Variants in MAP3K13 observed in about 807,000 individuals in gnomAD.
MAP3K13 encodes mitogen-activated protein kinase kinase kinase 13, also known as leucine zipper-bearing kinase.
A neutral mutation model predicts 104.0 loss-of-function variants in MAP3K13; 52 were observed. That is an observed-to-expected ratio of 0.50 (90% CI 0.40 to 0.63). MAP3K13 has a LOEUF of 0.63. MAP3K13 is among the 20% of genes least tolerant of loss of function. The pLI is 0.00. For missense variants in MAP3K13, 914 were observed against 1,218.5 expected, an observed-to-expected ratio of 0.75 and a Z score of 3.72; for synonymous variants, 394 against 442.2, an observed-to-expected ratio of 0.89 and a Z score of 1.37.
At chr3:185,477,460 C>G in intron 12 of MAP3K13, 64 bp downstream of exon 12, 2 of 1,203,974 alleles carry the variant, frequency 1.7e-6, no homozygotes, top group Non-Finnish European at 2.5e-6. Context: ...CTAAGTTTGC[C>G]ACACCTGCTC....
intron 10 of MAP3K13, among the ~76,000 whole-genome samples, chr3:185,471,716 T>G (rs1205735363): frequency 6.6e-6 from 1 of 151,516 alleles, no homozygotes; most frequent in East Asian, 1.9e-4. Context: ...TGCCTCGGCC[T>G]CCCAAAGTGC....
intron 2 of MAP3K13, among the ~76,000 whole-genome samples, chr3:185,313,598 A>G (rs756010156): frequency 5.9e-5 from 9 of 152,134 alleles, no homozygotes; most frequent in Non-Finnish European, 1.3e-4. Context: ...GGAGAGGTAA[A>G]CACCAAATTC....
intron 10 of MAP3K13, among the ~76,000 whole-genome samples, chr3:185,470,951 G>A (rs970477753): frequency 2.6e-5 from 4 of 152,246 alleles, no homozygotes; most frequent in South Asian, 4.1e-4. Context: ...TGTCAATACC[G>A]TCTTTTTACA....
Position 185,454,760 on chromosome 3 carries a change from T to C in MAP3K13, c.1278+3365T>C, listed in dbSNP as rs1287806621. 2.0e-5 allele frequency among the ~76,000 whole-genome samples: 2 copies of C among 99,438 alleles called. 1 individual carries two copies. The highest frequency in any genetic ancestry group is 3.9e-5 in the Non-Finnish European group (2 of 51,650). The allele number at this position is 99,438 out of a possible 152,430, so 65.2% of individuals were successfully genotyped here. A position where few individuals can be genotyped will look rare whatever the true frequency, so the allele number is the denominator to read the frequency against. On this transcript the variant is annotated intron_variant, in intron 7 of 13. Transcript: ENST00000265026. ...ATATATATATCATATATATGAGATA[T>C]ATATGACATATATATGAGATATATA...
intron 1 of MAP3K13, among the ~76,000 whole-genome samples, chr3:185,377,818 G>A (rs1415128332): frequency 6.6e-6 from 1 of 152,276 alleles, no homozygotes; most frequent in Non-Finnish European, 1.5e-5. Flanking sequence ...CCGCTAAGCC[G>A]AGAAGATCTG....
rs531398912 is a variant in MAP3K13, at chr3:185,423,124, T to C, written c.-85-5373T>C. Among the ~76,000 whole-genome samples, 52 of 152,318 alleles carry C rather than the reference T, an allele frequency of 3.4e-4. No individual in the cohort carries two copies. Among genetic ancestry groups the C allele is most frequent in the African/African-American group, 1.1e-3 (47 of 41,578 alleles). ...AAACAAGCTCAGGGCTCCCACTGAT[T>C]CTACATTATAGTGAGTTGTAGAATT... On this transcript the variant is annotated intron_variant, in intron 1 of 13. Coordinates refer to ENST00000265026, the MANE Select transcript of MAP3K13 (RefSeq NM_004721.5). The surrounding 1 kb of genome is among the most constrained non-coding windows in gnomAD (Gnocchi z 4.1).
chr3:185,433,477 T>C (rs1714860786), intron 2 of MAP3K13, among the ~76,000 whole-genome samples: 1 of 151,852 alleles, frequency 6.6e-6, no homozygotes, highest in South Asian at 2.1e-4. Flanking sequence ...TGCATCCTTA[T>C]CACCAATTTC....
rs1267264634 is a variant in MAP3K13 at position 185,463,545 on chromosome 3, C to A, written c.1279-5C>A. 8 of 1,538,412 alleles carry A rather than the reference C, an allele frequency of 5.2e-6. No individual in the cohort carries two copies. Among genetic ancestry groups the A allele is most frequent in the Non-Finnish European group, 6.3e-6 (7 of 1,112,584 alleles). On this transcript the variant is annotated splice_region_variant and splice_polypyrimidine_tract_variant and intron_variant, in intron 7 of 13. Transcript: ENST00000265026. ...TTTATCAAAATCTAATTTGTCCTTA[C>A]CCAGGCTGAATGGAGAGAAGAAGTG...
At chr3:185,445,891 C>T (rs1219247332) in intron 4 of MAP3K13, among the ~76,000 whole-genome samples, 1 of 152,148 alleles carries the variant, frequency 6.6e-6, no homozygotes, top group African/African-American at 2.4e-5. Flanking sequence ...TAAAAAGTTC[C>T]CTCTTTTAGG....
At chr3:185,421,428 C>A (rs1714122804) in intron 1 of MAP3K13, among the ~76,000 whole-genome samples, 1 of 152,050 alleles carries the variant, frequency 6.6e-6, no homozygotes, top group African/African-American at 2.4e-5. Flanking sequence ...GAACTCCTGA[C>A]CTCAGGTGAT....
upstream of MAP3K13, among the ~76,000 whole-genome samples, chr3:185,359,952 A>C (rs536206615): frequency 1.6e-4 from 25 of 151,976 alleles, no homozygotes; most frequent in Admixed American, 7.2e-4. Context: ...AAAAAAAAAA[A>C]CTCCAAAACA....
intron 7 of MAP3K13, among the ~76,000 whole-genome samples, chr3:185,460,972 G>A (rs1560124710): frequency 6.6e-6 from 1 of 152,290 alleles, no homozygotes; most frequent in East Asian, 1.9e-4. Flanking sequence ...TACAGTGACA[G>A]TTTTGCACAA....
In MAP3K13 at chr3:185,416,411, G is replaced by A. The variant is rs1464138785; in HGVS notation, c.-85-12086G>A. Among the ~76,000 whole-genome samples, 7 of 151,338 alleles carry A rather than the reference G, an allele frequency of 4.6e-5. No homozygotes were observed. The East Asian group carries it at 5.8e-4, about 13-fold the overall frequency. On this transcript the variant is annotated intron_variant, in intron 1 of 13. Coordinates refer to ENST00000265026, the MANE Select transcript of MAP3K13 (RefSeq NM_004721.5). ...TGTGTTTTTTTATATATACTATCTC[G>A]TATAATCATCTACTCTATGAGGTGG...
chr3:185,343,873 A>G (rs768255842), intron 2 of MAP3K13, among the ~76,000 whole-genome samples: 33 of 152,324 alleles, frequency 2.2e-4, no homozygotes, highest in African/African-American at 7.2e-4. Context: ...GCATGCAGCT[A>G]ACTAGATTGA....
chr3:185,480,197 T>A (rs1043610582), intron 12 of MAP3K13, 35 bp from the exon 13 acceptor site: 7 of 1,594,086 alleles, frequency 4.4e-6, no homozygotes, highest in Non-Finnish European at 6.0e-6. Flanking sequence ...CAGTTGTTCC[T>A]CTGACTAAGT....
chr3:185,465,883 T>A lies in MAP3K13; in HGVS notation c.1505+20T>A, dbSNP rs767669153. The A allele has an allele frequency of 6.5e-6, 10 of 1,543,856 alleles. No individual in the cohort carries two copies. Among genetic ancestry groups the A allele is most frequent in the Non-Finnish European group, 8.1e-6 (9 of 1,116,188 alleles). On this transcript the variant is annotated intron_variant, in intron 9 of 13. Transcript: ENST00000265026. ...CATTAAGTATGTATCCAGACTAGTG[T>A]CTGTTCTTACTGATTTGAGTCTGTC...
intron 7 of MAP3K13, among the ~76,000 whole-genome samples, chr3:185,452,849 A>G (rs976547979): frequency 6.6e-6 from 1 of 152,188 alleles, no homozygotes; most frequent in African/African-American, 2.4e-5. Flanking sequence ...AGCAAGTCCC[A>G]ATGCACAAGT....
At chr3:185,408,968 T>C (rs2108783985) in intron 1 of MAP3K13, among the ~76,000 whole-genome samples, 1 of 152,304 alleles carries the variant, frequency 6.6e-6, no homozygotes, top group East Asian at 1.9e-4. Context: ...CAATGAAATG[T>C]ATAAATAAAT....
At chr3:185,391,598 T>G (rs1021909894) in intron 1 of MAP3K13, among the ~76,000 whole-genome samples, 8 of 152,346 alleles carry the variant, frequency 5.3e-5, no homozygotes, top group Non-Finnish European at 1.0e-4. Flanking sequence ...CTACATTTAT[T>G]CTAAAACTCA....
Sources: allele counts gnomAD v4.1 joint callset (sites outside exome capture counted in the v4.1 genomes callset), GRCh38; gene constraint gnomAD v4.1.1; non-coding constraint Gnocchi (gnomAD v3.1); transcripts MANE v1.5; gene names NCBI Gene and HGNC (gene_info 2026-07-23, HGNC 2026-07-21).